Variants in TARDBP observed in about 807,000 individuals in gnomAD.
The protein encoded by TARDBP is TAR DNA-binding protein 43.
TARDBP carries 4 observed loss-of-function variants against 38.3 expected under a neutral mutation model. The observed-to-expected ratio is 0.10, with a 90% confidence interval of 0.05 to 0.24. The LOEUF is 0.24. Ranked by LOEUF, TARDBP falls within the 10% of genes least tolerant of loss-of-function variation. The pLI is 1.00. For missense variants in TARDBP, 202 were observed against 521.9 expected, an observed-to-expected ratio of 0.39 and a Z score of 5.97; for synonymous variants, 184 against 183.8, an observed-to-expected ratio of 1.00 and a Z score of -0.01.
chr1:11,022,071 A>G lies in TARDBP; in HGVS notation c.715-53A>G, dbSNP rs1643649826. The stretch of plus-strand genomic sequence containing the variant: ...AATCTAAGTTTTGTTGCTACTTTAA[A>G]TATATGAATCAGTGGTTTAATCTTC... On this transcript the variant is annotated intron_variant, in intron 5 of 5. Transcript: ENST00000240185. The surrounding 1 kb of genome is among the most constrained non-coding windows in gnomAD (Gnocchi z 4.5). 1 of 1,603,154 alleles carries G rather than the reference A, an allele frequency of 6.2e-7. No individual in the cohort carries two copies. Among genetic ancestry groups the G allele is most frequent in the African/African-American group, 1.3e-5 (1 of 74,664 alleles).
chr1:11,014,201 A>G (rs1202737023), intron 2 of TARDBP, among the ~76,000 whole-genome samples: 2 of 152,220 alleles, frequency 1.3e-5, no homozygotes, highest in Non-Finnish European at 2.9e-5. Flanking sequence ...AAACTTTGCC[A>G]AGTTGATGAT....
downstream of TARDBP, chr1:11,026,668 C>G: frequency 7.8e-6 from 3 of 383,242 alleles, no homozygotes; most frequent in Non-Finnish European, 9.2e-6. Context: ...AGATGACTGT[C>G]ACTCTCGTGG....
intron 4 of TARDBP, 103 bp from the exon 5 acceptor site, chr1:11,020,326 C>G: frequency 1.4e-6 from 2 of 1,406,738 alleles, no homozygotes; most frequent in Admixed American, 3.6e-5. Flanking sequence ...TAATGGTTCA[C>G]TGCTATCCAA....
In TARDBP at chr1:11,022,538, T is replaced by A. The variant is rs1570725499; in HGVS notation, c.1129T>A (p.Ser377Thr). The change falls in exon 6 of 6, where the codon TCT (serine) becomes ACT (threonine). Residue 377 changes from serine (S) to threonine (T), a missense_variant. Ser to Thr is a moderately conservative substitution (Grantham distance 58, BLOSUM62 1). Transcript: ENST00000240185. The surrounding 1 kb of genome is among the most constrained non-coding windows in gnomAD (Gnocchi z 4.5). ...TTCTGGAAATAACTCTTATAGTGGC[T>A]CTAATTCTGGTGCAGCAATTGGTTG... ...FGSGNNSYSG[S>T]NSGAAIGWGS... 20 of 1,584,762 alleles carry A rather than the reference T, an allele frequency of 1.3e-5. No individual in the cohort carries two copies. The highest frequency in any genetic ancestry group is 1.4e-5 in the Non-Finnish European group (16 of 1,162,966).
chr1:11,021,911 C>T (rs1236132429), intron 5 of TARDBP, among the ~76,000 whole-genome samples: 2 of 152,220 alleles, frequency 1.3e-5, no homozygotes. Flanking sequence ...GCCACCATGC[C>T]CAGCCTATGT....
Position 11,013,806 on chromosome 1 carries a change from C to T in TARDBP, c.79C>T (p.Leu27=). The T allele has an allele frequency of 1.2e-6, 2 of 1,613,982 alleles. No individual in the cohort carries two copies. The highest frequency in any genetic ancestry group is 1.7e-6 in the Non-Finnish European group (2 of 1,179,866). The change falls in exon 2 of 6, where the codon CTG becomes TTG. Residue 27 remains leucine, a synonymous_variant. Coordinates refer to ENST00000240185, the MANE Select transcript of TARDBP (RefSeq NM_007375.4). ...EIPSEDDGTV[L]LSTVTAQFPG... ...ACCATCGGAAGACGATGGGACGGTG[C>T]TGCTCTCCACGGTTACAGCCCAGTT...
downstream of TARDBP, chr1:11,027,579 A>C (rs550061047): frequency 6.2e-7 from 1 of 1,614,188 alleles, no homozygotes; most frequent in South Asian, 1.1e-5. Context: ...TTGCCAAGGA[A>C]AATCACCAGG....
Position 11,022,771 on chromosome 1 carries a change from G to A in TARDBP, c.*117G>A. On this transcript the variant is annotated 3_prime_UTR_variant, in exon 6 of 6. Transcript: ENST00000240185. This position sits in a 1 kb window ranked among gnomAD's most constrained non-coding sequence, Gnocchi z 4.5. ...AGAATTTTCAAAATTGGTTTGTTCAGTGTGGAGTATATTCAGCAGTATTTT... is the reference window on the plus strand; with the variant it reads ...AGAATTTTCAAAATTGGTTTGTTCAATGTGGAGTATATTCAGCAGTATTTT... The A allele has an allele frequency of 6.8e-7, 1 of 1,476,682 alleles. No individual in the cohort carries two copies. The highest frequency in any genetic ancestry group is 9.0e-7 in the Non-Finnish European group (1 of 1,115,100). The allele number at this position is 1,476,682 out of a possible 1,614,324, so 91.5% of individuals were successfully genotyped here.
At position 11,022,847 on chromosome 1, in the gene TARDBP, G is replaced by A; in HGVS notation, c.*193G>A. ...GAGCTAAAGGAATTTTATAAGTTTT[G>A]TTACATGAAAGGTTGAAATATTGAG... On this transcript the variant is annotated 3_prime_UTR_variant, in exon 6 of 6. Coordinates refer to ENST00000240185, the MANE Select transcript of TARDBP (RefSeq NM_007375.4). The surrounding 1 kb of genome is among the most constrained non-coding windows in gnomAD (Gnocchi z 4.5). The A allele has an allele frequency of 7.3e-7, 1 of 1,371,458 alleles. No individual in the cohort carries two copies. Among genetic ancestry groups the A allele is most frequent in the Non-Finnish European group, 9.4e-7 (1 of 1,062,854 alleles). 85.0% of individuals were successfully genotyped at this position (1,371,458 alleles called of 1,614,324 possible). A position where few individuals can be genotyped will look rare whatever the true frequency, so the allele number is the denominator to read the frequency against.
At chr1:11,029,423 C>T (rs978769964), downstream of TARDBP, among the ~76,000 whole-genome samples, 10 of 151,318 alleles carry the variant, frequency 6.6e-5, no homozygotes, top group Admixed American at 1.3e-4. Context: ...AATAATTCTA[C>T]TCAACTATTA....
Position 11,024,700 on chromosome 1 carries a change from T to C in TARDBP, c.*2046T>C, listed in dbSNP as rs886045047. On this transcript the variant is annotated 3_prime_UTR_variant, in exon 6 of 6. Transcript: ENST00000240185. ...GGAATGGGCTTTGTCCTCCAGGAGGTGGGGGAATGTGGTAACATTGAATAC... is the reference window on the plus strand; with the variant it reads ...GGAATGGGCTTTGTCCTCCAGGAGGCGGGGGAATGTGGTAACATTGAATAC... 6.6e-6 allele frequency: 1 copy of C among 152,638 alleles called. No homozygotes were observed. The highest frequency in any genetic ancestry group is 1.9e-4 in the East Asian group (1 of 5,174). The allele number at this position is 152,638 out of a possible 1,614,324, so 9.5% of individuals were successfully genotyped here. A position where few individuals can be genotyped will look rare whatever the true frequency, so the allele number is the denominator to read the frequency against.
At chr1:11,021,503 C>G (rs145922309) in intron 5 of TARDBP, among the ~76,000 whole-genome samples, 2 of 152,102 alleles carry the variant, frequency 1.3e-5, no homozygotes, top group Non-Finnish European at 2.9e-5. Context: ...GTCTTGAACT[C>G]CTGACCTCAG....
chr1:11,013,238 C>T (rs542837397), intron 1 of TARDBP, among the ~76,000 whole-genome samples: 8 of 152,236 alleles, frequency 5.3e-5, no homozygotes, highest in South Asian at 2.1e-4. Flanking sequence ...GTTCTTTACA[C>T]CTGGTTCACT....
chr1:11,018,549 T>C (rs2100848372), intron 3 of TARDBP, 184 bp from the exon 4 acceptor site: 1 of 773,152 alleles, frequency 1.3e-6, no homozygotes, highest in South Asian at 1.7e-5. Context: ...TTTTGCTCTG[T>C]TGTTAACACA....
In TARDBP at chr1:11,024,331, A is replaced by C. The variant is rs1002667087; in HGVS notation, c.*1677A>C. 6 of 152,272 alleles carry C rather than the reference A, an allele frequency of 3.9e-5. No homozygotes were observed. Among genetic ancestry groups the C allele is most frequent in the African/African-American group, 1.5e-4 (6 of 41,358 alleles). The allele number at this position is 152,272 out of a possible 1,614,324, so 9.4% of individuals were successfully genotyped here. A position where few individuals can be genotyped will look rare whatever the true frequency, so the allele number is the denominator to read the frequency against. ...GAATAAGTCTGGGTGACCGCACCTAAAATGGTAAGCAGTACCCTCCGGCTT... is the reference window on the plus strand; with the variant it reads ...GAATAAGTCTGGGTGACCGCACCTACAATGGTAAGCAGTACCCTCCGGCTT... On this transcript the variant is annotated 3_prime_UTR_variant, in exon 6 of 6. Coordinates refer to ENST00000240185, the MANE Select transcript of TARDBP (RefSeq NM_007375.4).
chr1:11,020,106 C>G (rs1228855990), intron 4 of TARDBP, among the ~76,000 whole-genome samples: 1 of 151,828 alleles, frequency 6.6e-6, no homozygotes, highest in African/African-American at 2.4e-5. Flanking sequence ...GTGATCCACC[C>G]GCCTCGGCCT....
rs987084613 is a variant in TARDBP at position 11,017,502 on chromosome 1, C to T, written c.402+495C>T. 7.2e-5 allele frequency among the ~76,000 whole-genome samples: 11 copies of T among 152,032 alleles called. No individual in the cohort carries two copies. In the East Asian group the frequency reaches 2.1e-3, roughly 29 times the overall value. ...AGGTGTGAGCCACCGCGCCCGGCCA[C>T]ATTCTTGTTATTTTAATGGCACTGT... On this transcript the variant is annotated intron_variant, in intron 3 of 5. Transcript: ENST00000240185.
chr1:11,015,736 T>C (rs905152745), intron 2 of TARDBP: 99 of 127,230 alleles, frequency 7.8e-4, no homozygotes, highest in African/African-American at 2.8e-3. Flanking sequence ...GGGGGGTTTT[T>C]TTGTTGTTGT....
downstream of TARDBP, chr1:11,027,366 G>T: frequency 6.2e-7 from 1 of 1,614,170 alleles, no homozygotes; most frequent in African/African-American, 1.3e-5. Flanking sequence ...GTCAAAGCCA[G>T]CATCATGAGT....
Sources: gnomAD v4.1 joint callset for allele counts (sites outside exome capture counted in the v4.1 genomes callset) on GRCh38, gnomAD v4.1.1 for gene constraint, Gnocchi (gnomAD v3.1) non-coding constraint, MANE v1.5 for transcripts, NCBI Gene and HGNC (gene_info 2026-07-23, HGNC 2026-07-21) for gene names.